MYOM2: variants seen among roughly 807,000 people sequenced by gnomAD.
MYOM2 encodes myomesin-2.
MYOM2 carries 254 observed loss-of-function variants against 187.6 expected under a neutral mutation model. That is an observed-to-expected ratio of 1.35 (90% CI 1.22 to 1.50). The LOEUF is 1.50. Among genes scored for constraint, MYOM2 ranks in the 40% most tolerant of loss-of-function variants. MYOM2 has a pLI of 0.00. For missense variants in MYOM2, 2,796 were observed against 1,924.0 expected, an observed-to-expected ratio of 1.45 and a Z score of -8.48; for synonymous variants, 981 against 753.8, an observed-to-expected ratio of 1.30 and a Z score of -4.94.
intron 32 of MYOM2, among the ~76,000 whole-genome samples, chr8:2,136,083 C>T (rs892792268): frequency 9.2e-5 from 14 of 152,300 alleles, no homozygotes; most frequent in Non-Finnish European, 7.4e-5. Flanking sequence ...TTGTCTGAGT[C>T]GTATCGAGGG....
intron 25 of MYOM2, among the ~76,000 whole-genome samples, chr8:2,112,093 A>G (rs1797086085): frequency 6.6e-6 from 1 of 152,268 alleles, no homozygotes; most frequent in African/African-American, 2.4e-5. Context: ...TTCCTTTCCC[A>G]GTGGACGGCA....
At chr8:2,073,723 C>T (rs1357403337) in intron 10 of MYOM2, among the ~76,000 whole-genome samples, 1 of 152,224 alleles carries the variant, frequency 6.6e-6, no homozygotes, top group Admixed American at 6.5e-5. Flanking sequence ...CGGAATAGAC[C>T]AGAATCATCA....
intron 25 of MYOM2, among the ~76,000 whole-genome samples, chr8:2,112,494 G>A (rs1189931327): frequency 6.6e-6 from 1 of 152,124 alleles, no homozygotes; most frequent in Non-Finnish European, 1.5e-5. Context: ...GCGACACAGG[G>A]AAGTGGAGGG....
chr8:2,052,256 G>T lies in MYOM2; in HGVS notation c.206G>T (p.Arg69Met), dbSNP rs1818516532. 1 of 1,612,836 alleles carries T rather than the reference G, an allele frequency of 6.2e-7. No homozygotes were observed. Among genetic ancestry groups the T allele is most frequent in the Non-Finnish European group, 8.5e-7 (1 of 1,179,758 alleles). The change falls in exon 3 of 37, where the codon AGG (arginine) becomes ATG (methionine). Residue 69 changes from arginine to methionine, a missense_variant. Coordinates refer to ENST00000262113, the MANE Select transcript of MYOM2 (RefSeq NM_003970.4). ...ACGTCCCTGGGAGGAACCATCTGCA[G>T]GGTCTGTGCGAAGCGAGTGAGCACG... ...SQTSLGGTICRVCAKRVSTQE... is the reference protein window; with the variant it reads ...SQTSLGGTICMVCAKRVSTQE...
intron 16 of MYOM2, among the ~76,000 whole-genome samples, chr8:2,093,468 G>C (rs970883542): frequency 6.6e-6 from 1 of 152,122 alleles, no homozygotes; most frequent in Non-Finnish European, 1.5e-5. Flanking sequence ...GCTGTGGGGT[G>C]GGAATTATCA....
At position 2,049,623 on chromosome 8, in the gene MYOM2, G is replaced by A. The variant is rs532324874; in HGVS notation, c.-12-1132G>A. ...CCATGGGGCCTGGCCTAGGAGTTCT[G>A]TCTTTAAATAAGGACAGATCCTCGT... On this transcript the variant is annotated intron_variant, in intron 1 of 36. Transcript: ENST00000262113. 4.9e-4 allele frequency among the ~76,000 whole-genome samples: 75 copies of A among 152,294 alleles called. 1 individual carries two copies. In the South Asian group the frequency reaches 8.7e-3, roughly 18 times the overall value.
chr8:2,129,239 A>ACTTG lies in MYOM2; in HGVS notation c.3800+7_3800+8insCTTG. 1 of 1,590,530 alleles carries ACTTG rather than the reference A, an allele frequency of 6.3e-7. No homozygotes were observed. The highest frequency in any genetic ancestry group is 8.6e-7 in the Non-Finnish European group (1 of 1,159,120). On this transcript the variant is annotated splice_region_variant and intron_variant, in intron 32 of 36. Transcript: ENST00000262113. ...AAGTGAACTGGTGTCACAAGTAAGT[A>ACTTG]TGACAGCAGCCGATGGAGGCCATGC...
chr8:2,090,264 G>C (rs531557025), intron 15 of MYOM2, 73 bp downstream of exon 15: 553 of 1,423,688 alleles, frequency 3.9e-4, no homozygotes, highest in Admixed American at 8.0e-4. Context: ...GCCTTAAATT[G>C]TGTGAATAAA....
chr8:2,089,995 T>C lies in MYOM2; in HGVS notation c.1645-13T>C. The C allele has an allele frequency of 6.2e-7, 1 of 1,612,660 alleles. No individual in the cohort carries two copies. Among genetic ancestry groups the C allele is most frequent in the African/African-American group, 1.3e-5 (1 of 74,968 alleles). On this transcript the variant is annotated splice_polypyrimidine_tract_variant and intron_variant, in intron 14 of 36. Transcript: ENST00000262113. ...GTTTTCACTGCCAGTCTCGTTTCTG[T>C]TTCTCTTTGTAGTCCGTGGTGGGGA...
intron 28 of MYOM2, among the ~76,000 whole-genome samples, chr8:2,120,678 TATTATATATAA>T (rs1585941140): frequency 0.13 from 5,929 of 44,158 alleles, 893 homozygotes; most frequent in Admixed American, 0.22. Flanking sequence ...ATATATATTA[TATTATATATAA>T]ATATATAATA....
rs1797519440 is a variant in MYOM2 at position 2,123,272 on chromosome 8, A to C, written c.3474A>C (p.Glu1158Asp). The C allele has an allele frequency of 1.2e-6, 2 of 1,613,004 alleles. No individual in the cohort carries two copies. The highest frequency in any genetic ancestry group is 1.7e-6 in the Non-Finnish European group (2 of 1,179,776). Reference protein sequence around the residue: ...LVCKVANTKKETVFKWLKDDV... With the variant: ...LVCKVANTKKDTVFKWLKDDV... Reference sequence around the variant, plus strand: ...CACAGGTTGCAAACACCAAGAAAGAAACCGTTTTCAAATGGCTCAAGGATG... The same window carrying C: ...CACAGGTTGCAAACACCAAGAAAGACACCGTTTTCAAATGGCTCAAGGATG... Residue 1158 changes from glutamate to aspartate, a missense_variant, in exon 29 of 37, where the codon GAA (glutamate) becomes GAC (aspartate). Glu to Asp is a conservative substitution (Grantham distance 45). Transcript: ENST00000262113.
At chr8:2,050,588 G>T (rs568977056) in intron 1 of MYOM2, among the ~76,000 whole-genome samples, 167 bp from the exon 2 acceptor site, 12 of 152,318 alleles carry the variant, frequency 7.9e-5, no homozygotes, top group African/African-American at 2.2e-4. Context: ...TAGGCTTCCT[G>T]ACTGCTGGTC....
chr8:2,092,442 T>G lies in MYOM2; in HGVS notation c.1925T>G (p.Leu642Arg). The G allele has an allele frequency of 6.2e-7, 1 of 1,614,178 alleles. No individual in the cohort carries two copies. The highest frequency in any genetic ancestry group is 1.1e-5 in the South Asian group (1 of 91,086). The change falls in exon 16 of 37, where the codon CTG becomes CGG. Residue 642 changes from leucine (L) to arginine (R), a missense_variant. Physicochemically the swap from Leu to Arg is moderately radical, Grantham distance 102. Transcript: ENST00000262113. ...CGACCTAAGCATGAGGAGGACCTGC[T>G]GGGCTACTACGTGGACTGCTGTGTG... ...WDRPKHEEDLLGYYVDCCVAG... is the reference protein window; with the variant it reads ...WDRPKHEEDLRGYYVDCCVAG...
At chr8:2,132,093 C>T (rs1797894338) in intron 32 of MYOM2, among the ~76,000 whole-genome samples, 1 of 152,044 alleles carries the variant, frequency 6.6e-6, no homozygotes, top group African/African-American at 2.4e-5. Flanking sequence ...TATTAGATAG[C>T]AACTGGAAAA....
At chr8:2,077,049 C>T (rs1314919837) in intron 11 of MYOM2, among the ~76,000 whole-genome samples, 2 of 152,146 alleles carry the variant, frequency 1.3e-5, no homozygotes, top group Admixed American at 6.5e-5. Flanking sequence ...CGGTGGCTCA[C>T]GCCTGTAATC....
rs191134827 is a variant in MYOM2 at position 2,071,061 on chromosome 8, T to C, written c.794-1284T>C. ...TGGCTCACTGCAGCCTTGATCTCCC[T>C]GGCTCAAGGAATCCTTTTGCTTCAA... On this transcript the variant is annotated intron_variant, in intron 8 of 36. Transcript: ENST00000262113. 5.3e-3 allele frequency among the ~76,000 whole-genome samples: 807 copies of C among 152,286 alleles called. 7 individuals are homozygous for C. Among genetic ancestry groups the C allele is most frequent in the South Asian group, 0.015 (74 of 4,828 alleles).
rs61732779 is a variant in MYOM2, at chr8:2,106,321, G to A, written c.2814G>A (p.Ala938=). The change falls in exon 22 of 37, where the codon GCG becomes GCA. Residue 938 remains alanine, a synonymous_variant. Transcript: ENST00000262113. Reference sequence around the variant, plus strand: ...TCGACTGCCAGGAAATGACAGACGCGTCTCAGTTCACCTGGTGTAAATCCT... The same window carrying A: ...TCGACTGCCAGGAAATGACAGACGCATCTCAGTTCACCTGGTGTAAATCCT... ...LGFDCQEMTD[A]SQFTWCKSYE... is the part of the protein sequence containing the mutation. 5.3e-4 allele frequency: 860 copies of A among 1,614,134 alleles called. 3 individuals carry two copies. The African/African-American group carries it at 9.2e-3, about 17-fold the overall frequency.
rs1051888860 is a variant in MYOM2, at chr8:2,097,112, C to T, written c.2313+678C>T. On this transcript the variant is annotated intron_variant, in intron 18 of 36. Transcript: ENST00000262113. The stretch of plus-strand genomic sequence containing the variant: ...CCACAGACCTCAGGGGAGTCACTTA[C>T]ACTCCAACAGGAGGGCTTTCTTTTT... 5.1e-6 allele frequency: 5 copies of T among 982,094 alleles called. No homozygotes were observed. The African/African-American group carries it at 5.2e-5, about 10-fold the overall frequency. 60.8% of individuals were successfully genotyped at this position (982,094 alleles called of 1,614,324 possible). A position where few individuals can be genotyped will look rare whatever the true frequency, so the allele number is the denominator to read the frequency against.
At chr8:2,082,448 T>C (rs540548955) in intron 13 of MYOM2, among the ~76,000 whole-genome samples, 7 of 152,326 alleles carry the variant, frequency 4.6e-5, no homozygotes, top group Middle Eastern at 6.8e-3. Context: ...TAAATGCCCC[T>C]TGTTTTAATG....
Sources: allele counts gnomAD v4.1 joint callset (sites outside exome capture counted in the v4.1 genomes callset), GRCh38; gene constraint gnomAD v4.1.1; transcripts MANE v1.5; gene names NCBI Gene and HGNC (gene_info 2026-07-23, HGNC 2026-07-21).